The following MRAP2 variants were observed in gnomAD, a reference collection of about 807,000 sequenced individuals.
MRAP2 encodes the protein melanocortin 2 receptor accessory protein 2, also known as melanocortin-2 receptor accessory protein 2.
In MRAP2, 20 loss-of-function variants were observed where a neutral mutation model predicts 17.4. That is an observed-to-expected ratio of 1.15 (90% CI 0.81 to 1.67). The LOEUF (loss-of-function observed/expected upper bound fraction) is 1.67. MRAP2 is among the 40% of genes most tolerant of loss of function. MRAP2 has a pLI of 0.00. For missense variants in MRAP2, 238 were observed against 240.0 expected, an observed-to-expected ratio of 0.99 and a Z score of 0.05; for synonymous variants, 96 against 88.4, an observed-to-expected ratio of 1.09 and a Z score of -0.48.
the MRAP2 span, among the ~76,000 whole-genome samples, chr6:84,132,714 C>T: frequency 6.6e-6 from 1 of 152,150 alleles, no homozygotes. Context: ...AAGGTCTTCT[C>T]TATGCTGTTT....
intron 1 of MRAP2, chr6:84,045,355 G>T (rs1271169805): frequency 2.0e-6 from 2 of 985,214 alleles, no homozygotes; most frequent in Non-Finnish European, 1.2e-6. Context: ...CCTTATGAAG[G>T]CCCTGGAGTA....
chr6:84,129,055 T>C, the MRAP2 span, among the ~76,000 whole-genome samples: 2 of 152,184 alleles, frequency 1.3e-5, no homozygotes, highest in Non-Finnish European at 2.9e-5. Flanking sequence ...TATTCCATGG[T>C]GTATATGTGC....
the MRAP2 span, among the ~76,000 whole-genome samples, chr6:84,128,301 T>C: frequency 6.6e-6 from 1 of 152,202 alleles, no homozygotes; most frequent in South Asian, 2.1e-4. Context: ...AATATGTACA[T>C]ATATTTTAAA....
the MRAP2 span, among the ~76,000 whole-genome samples, chr6:84,143,160 A>T: frequency 6.6e-6 from 1 of 152,078 alleles, no homozygotes; most frequent in African/African-American, 2.4e-5. Context: ...AAATATACTG[A>T]AACATTAACT....
the MRAP2 span, among the ~76,000 whole-genome samples, chr6:84,102,178 C>T: frequency 9.2e-5 from 14 of 152,094 alleles, no homozygotes; most frequent in East Asian, 1.4e-3. Flanking sequence ...ATTCATAGAG[C>T]GGTTTGAAGG....
rs530544711 is a variant in MRAP2 at position 84,069,778 on chromosome 6, T to C, written c.227+6786T>C. On this transcript the variant is annotated intron_variant, in intron 3 of 3. Coordinates refer to ENST00000257776, the MANE Select transcript of MRAP2 (RefSeq NM_138409.4). ...ACCATTTTAATCTCGCTGCTTGTTATTGGTCTGTTCAGGATATCTAGTTCT... is the reference window on the plus strand; with the variant it reads ...ACCATTTTAATCTCGCTGCTTGTTACTGGTCTGTTCAGGATATCTAGTTCT... Among the ~76,000 whole-genome samples, 12 of 152,302 alleles carry C rather than the reference T, an allele frequency of 7.9e-5. No homozygotes were observed. In the South Asian group the frequency reaches 2.5e-3, roughly 32 times the overall value.
At chr6:84,045,151 A>G (rs1312679108) in intron 1 of MRAP2, 1 of 930,004 alleles carries the variant, frequency 1.1e-6, no homozygotes. Context: ...GGATTTTGGT[A>G]TCTGAGAGGT....
chr6:84,036,910 A>G (rs1735679012), intron 1 of MRAP2, among the ~76,000 whole-genome samples: 1 of 151,954 alleles, frequency 6.6e-6, no homozygotes, highest in South Asian at 2.1e-4. Context: ...AGTCCCCACT[A>G]GATTAACTAG....
At chr6:84,115,607 G>T in the MRAP2 span, among the ~76,000 whole-genome samples, 2 of 152,022 alleles carry the variant, frequency 1.3e-5, no homozygotes, top group African/African-American at 4.8e-5. Flanking sequence ...TGGTGTTCCG[G>T]GCACCACTGG....
At chr6:84,111,936 G>T in the MRAP2 span, among the ~76,000 whole-genome samples, 1 of 152,182 alleles carries the variant, frequency 6.6e-6, no homozygotes, top group Non-Finnish European at 1.5e-5. Flanking sequence ...AATCAGCCTT[G>T]CATCCCAGGG....
the MRAP2 span, among the ~76,000 whole-genome samples, chr6:84,145,268 G>A: frequency 1.3e-5 from 2 of 152,062 alleles, no homozygotes; most frequent in Non-Finnish European, 2.9e-5. Context: ...AAAATCTGAT[G>A]GCAAGCCTTT....
chr6:84,135,977 G>A, the MRAP2 span, among the ~76,000 whole-genome samples: 17 of 152,208 alleles, frequency 1.1e-4, no homozygotes, highest in African/African-American at 3.4e-4. Context: ...CTTTGCTAGA[G>A]GAATTGTGAG....
At chr6:84,119,460 G>C in the MRAP2 span, among the ~76,000 whole-genome samples, 1 of 152,180 alleles carries the variant, frequency 6.6e-6, no homozygotes, top group Non-Finnish European at 1.5e-5. Context: ...ATGAGGTCTA[G>C]TGTTTATTTT....
chr6:84,121,209 G>T, the MRAP2 span, among the ~76,000 whole-genome samples: 1 of 151,568 alleles, frequency 6.6e-6, no homozygotes, highest in Non-Finnish European at 1.5e-5. Flanking sequence ...TGAGTAGCTG[G>T]GACTACAGGC....
the MRAP2 span, among the ~76,000 whole-genome samples, chr6:84,144,417 T>C: frequency 6.6e-6 from 1 of 152,118 alleles, no homozygotes; most frequent in Non-Finnish European, 1.5e-5. Flanking sequence ...CAAATTTCCA[T>C]ATCAAGTGCA....
the MRAP2 span, among the ~76,000 whole-genome samples, chr6:84,125,853 T>C: frequency 6.6e-6 from 1 of 152,182 alleles, no homozygotes; most frequent in Non-Finnish European, 1.5e-5. Flanking sequence ...TATTTTGTTA[T>C]GTCAGCCCAA....
chr6:84,134,223 A>G, the MRAP2 span, among the ~76,000 whole-genome samples: 1,412 of 152,278 alleles, frequency 9.3e-3, 16 homozygotes, highest in African/African-American at 0.032. Context: ...AAGCTTGAGC[A>G]TCCCAGGTCA....
chr6:84,053,602 G>A (rs2099490988), intron 1 of MRAP2, among the ~76,000 whole-genome samples: 1 of 152,212 alleles, frequency 6.6e-6, no homozygotes, highest in South Asian at 2.1e-4. Context: ...GGAGTTGGGT[G>A]TGTCTGAAGA....
At chr6:84,110,676 A>C in the MRAP2 span, among the ~76,000 whole-genome samples, 2 of 152,192 alleles carry the variant, frequency 1.3e-5, no homozygotes, top group African/African-American at 2.4e-5. Context: ...GGCTTTGCCC[A>C]TGCCTATGTC....
Sources: gnomAD v4.1 joint callset for allele counts (sites outside exome capture counted in the v4.1 genomes callset) on GRCh38, gnomAD v4.1.1 for gene constraint, MANE v1.5 for transcripts, NCBI Gene and HGNC (gene_info 2026-07-23, HGNC 2026-07-21) for gene names.